SFI1: variants seen among roughly 807,000 people sequenced by gnomAD.
SFI1 encodes the protein SFI1 centrin binding protein, also known as protein SFI1 homolog.
SFI1 carries 195 observed loss-of-function variants against 207.5 expected under a neutral mutation model. The observed-to-expected ratio is 0.94, with a 90% confidence interval of 0.84 to 1.06. The LOEUF is 1.06. Ranked by LOEUF, SFI1 falls within the 50% of genes least tolerant of loss-of-function variation. The pLI, the probability that SFI1 is intolerant of heterozygous loss-of-function variation, is 0.00. For synonymous variants in SFI1, 630 were observed against 598.9 expected, an observed-to-expected ratio of 1.05 and a Z score of -0.76; for missense variants, 1,634 against 1,588.0, an observed-to-expected ratio of 1.03 and a Z score of -0.49.
chr22:31,507,666 C>T (rs963180815), intron 1 of SFI1, among the ~76,000 whole-genome samples: 4 of 152,032 alleles, frequency 2.6e-5, no homozygotes, highest in Non-Finnish European at 5.9e-5. Flanking sequence ...AAAAACAGCC[C>T]CATTAAGAAG....
intron 2 of SFI1, among the ~76,000 whole-genome samples, chr22:31,511,689 T>C (rs1025514027): frequency 6.6e-6 from 1 of 152,102 alleles, no homozygotes; most frequent in African/African-American, 2.4e-5. Flanking sequence ...AGTCTTGCTC[T>C]GTTGCCCAGG....
At chr22:31,567,572 G>C (rs554200730) in intron 8 of SFI1, among the ~76,000 whole-genome samples, 1 of 151,924 alleles carries the variant, frequency 6.6e-6, no homozygotes, top group African/African-American at 2.4e-5. Flanking sequence ...TTGTGGAGGG[G>C]GGGGGTGTGT....
rs1324864303 is a variant in SFI1 at position 31,617,009 on chromosome 22, A to G, written c.3443A>G (p.Asp1148Gly). Residue 1148 changes from aspartate (D) to glycine (G), a missense_variant, in exon 31 of 33, where the codon GAC (aspartate) becomes GGC (glycine). Coordinates refer to ENST00000400288, the MANE Select transcript of SFI1 (RefSeq NM_001007467.3). ...GPGLSTAGSL[D>G]LEAELEEIQQ... Reference sequence around the variant, plus strand: ...ACTTCTGTCGCCATAGGCAGCCTGGACCTTGAGGCTGAACTTGAGGAGATC... The same window carrying G: ...ACTTCTGTCGCCATAGGCAGCCTGGGCCTTGAGGCTGAACTTGAGGAGATC... 5 of 1,613,872 alleles carry G rather than the reference A, an allele frequency of 3.1e-6. No individual in the cohort carries two copies. Among genetic ancestry groups the G allele is most frequent in the Non-Finnish European group, 4.2e-6 (5 of 1,180,000 alleles).
intron 19 of SFI1, 69 bp from the exon 20 acceptor site, chr22:31,604,800 T>G: frequency 6.9e-7 from 1 of 1,453,676 alleles, no homozygotes; most frequent in Non-Finnish European, 9.5e-7. Context: ...TAGATGCACC[T>G]CTGAGGCCTG....
At chr22:31,550,844 A>C (rs1351241155) in intron 6 of SFI1, among the ~76,000 whole-genome samples, 1 of 152,198 alleles carries the variant, frequency 6.6e-6, no homozygotes, top group Non-Finnish European at 1.5e-5. Flanking sequence ...AAAGACCTAG[A>C]GTTTCAAAAT....
chr22:31,508,478 A>G, intron 2 of SFI1, 102 bp downstream of exon 2: 2 of 773,040 alleles, frequency 2.6e-6, no homozygotes, highest in Non-Finnish European at 2.1e-6. Context: ...GTGAGGTAGT[A>G]ACTGTGGGTA....
intron 18 of SFI1, 110 bp from the exon 19 acceptor site, chr22:31,604,199 G>C: frequency 1.2e-6 from 1 of 822,868 alleles, no homozygotes; most frequent in East Asian, 2.7e-5. Flanking sequence ...GATGAGGCCA[G>C]AGAGGTTAAT....
chr22:31,606,341 C>T lies in SFI1; in HGVS notation c.2068C>T (p.Arg690Cys), dbSNP rs374219713. Residue 690 changes from arginine (R) to cysteine (C), a missense_variant, in exon 21 of 33, where the codon CGC becomes TGC. Arg to Cys is a radical substitution (Grantham distance 180, BLOSUM62 -3). Coordinates refer to ENST00000400288, the MANE Select transcript of SFI1 (RefSeq NM_001007467.3). Reference sequence around the variant, plus strand: ...ATGCATCTGCAGCGGGGCATTACGTCGCTGGAAAGAGAACACCATGGCCCG... The same window carrying T: ...ATGCATCTGCAGCGGGGCATTACGTTGCTGGAAAGAGAACACCATGGCCCG... ...NRQLLRGALR[R>C]WKENTMARVD... The T allele has an allele frequency of 5.4e-5, 87 of 1,613,656 alleles. 3 individuals carry two copies. The South Asian group carries it at 6.9e-4, about 13-fold the overall frequency.
chr22:31,594,487 G>A (rs2066749650), intron 15 of SFI1, among the ~76,000 whole-genome samples: 1 of 146,056 alleles, frequency 6.8e-6, no homozygotes, highest in Non-Finnish European at 1.5e-5. Flanking sequence ...GATGGAGGTT[G>A]CCGTGAGCTG....
intron 1 of SFI1, among the ~76,000 whole-genome samples, chr22:31,502,670 G>A (rs1462083488): frequency 3.3e-5 from 5 of 152,146 alleles, no homozygotes; most frequent in South Asian, 4.1e-4. Flanking sequence ...CACTGCGCCC[G>A]GCCAGGTTCA....
At chr22:31,577,510 C>T (rs920124157) in intron 10 of SFI1, among the ~76,000 whole-genome samples, 2 of 152,174 alleles carry the variant, frequency 1.3e-5, no homozygotes, top group African/African-American at 2.4e-5. Flanking sequence ...TGGGCTTAAG[C>T]AATCCTCCCC....
At position 31,615,234 on chromosome 22, in the gene SFI1, G is replaced by T. The variant is rs1238576318; in HGVS notation, c.3255G>T (p.Leu1085=). ...GCACAGGCCCGGAGCTGCTGCTGCT[G>T]CCTCTTTCCTCCTTCATGCCCTGCG... The part of the protein sequence containing the change: ...TASTGPELLL[L]PLSSFMPCGA... The change falls in exon 29 of 33, where the codon CTG becomes CTT. Residue 1085 remains leucine (L), a synonymous_variant. Coordinates refer to ENST00000400288, the MANE Select transcript of SFI1 (RefSeq NM_001007467.3). The T allele has an allele frequency of 2.6e-6, 4 of 1,537,026 alleles. No homozygotes were observed. The African/African-American group carries it at 4.2e-5, about 16-fold the overall frequency.
chr22:31,588,818 AAAAAAAC>A (rs915956189), intron 14 of SFI1, among the ~76,000 whole-genome samples: 4 of 151,942 alleles, frequency 2.6e-5, no homozygotes, highest in East Asian at 3.8e-4. Context: ...TCTCAAAAAA[AAAAAAAC>A]AAAAAACAAC....
chr22:31,556,857 A>G lies in SFI1; in HGVS notation c.545-85A>G, dbSNP rs942855903. The G allele has an allele frequency of 7.9e-6, 7 of 890,578 alleles. No homozygotes were observed. In the African/African-American group the frequency reaches 8.4e-5, roughly 11 times the overall value. 55.2% of individuals were successfully genotyped at this position (890,578 alleles called of 1,614,324 possible). On this transcript the variant is annotated intron_variant, in intron 6 of 32. Coordinates refer to ENST00000400288, the MANE Select transcript of SFI1 (RefSeq NM_001007467.3). The stretch of plus-strand genomic sequence containing the variant: ...GTAGGCTGGAGGGATTTAGGTATTC[A>G]AAGGAGAGCCCTTGAGCTTTTATCA...
At chr22:31,559,524 A>C (rs559848153) in intron 7 of SFI1, 66 of 558,502 alleles carry the variant, frequency 1.2e-4, no homozygotes, top group Non-Finnish European at 1.9e-4. Flanking sequence ...GTATTTTGCG[A>C]ATACTCAACA....
intron 7 of SFI1, 93 bp from the exon 8 acceptor site, chr22:31,561,197 G>T: frequency 1.0e-6 from 1 of 993,762 alleles, no homozygotes; most frequent in Non-Finnish European, 1.5e-6. Flanking sequence ...GAGAGGACTA[G>T]AGCTGAGGGT....
intron 4 of SFI1, among the ~76,000 whole-genome samples, chr22:31,543,573 G>T (rs908578749): frequency 6.6e-6 from 1 of 152,132 alleles, no homozygotes; most frequent in African/African-American, 2.4e-5. Context: ...ACTTTGGGAG[G>T]CTGAGGCCAG....
intron 24 of SFI1, 47 bp downstream of exon 24, chr22:31,611,887 T>C (rs752260809): frequency 2.5e-6 from 4 of 1,609,430 alleles, no homozygotes; most frequent in Non-Finnish European, 3.4e-6. Context: ...CTCCATCCTC[T>C]GGCCTGTGAG....
rs775415101 is a variant in SFI1, at chr22:31,531,120, C to G, written c.329C>G (p.Ser110Cys). 1.2e-6 allele frequency: 2 copies of G among 1,612,730 alleles called. No individual in the cohort carries two copies. The highest frequency in any genetic ancestry group is 1.1e-5 in the South Asian group (1 of 90,850). ...ATGACTTTTGGAAGAGTATTTCCCTCTAAAGCCAGGTAGTATTAGCTCAGA... is the reference window on the plus strand; with the variant it reads ...ATGACTTTTGGAAGAGTATTTCCCTGTAAAGCCAGGTAGTATTAGCTCAGA... ...IRMTFGRVFP[S>C]KARFYYEQRL... The change falls in exon 4 of 33, where the codon TCT becomes TGT. Residue 110 changes from serine (S) to cysteine (C), a missense_variant. Transcript: ENST00000400288.
Sources: gnomAD v4.1 joint callset for allele counts (sites outside exome capture counted in the v4.1 genomes callset) on GRCh38, gnomAD v4.1.1 for gene constraint, MANE v1.5 for transcripts, NCBI Gene and HGNC (gene_info 2026-07-23, HGNC 2026-07-21) for gene names.